The following CDH12 variants were observed in gnomAD, a reference collection of about 807,000 sequenced individuals.
CDH12 encodes the protein cadherin 12.
In CDH12, 41 loss-of-function variants were observed where a neutral mutation model predicts 74.1. The observed-to-expected ratio is 0.55, with a 90% confidence interval of 0.43 to 0.72. The LOEUF is 0.72. CDH12 is among the 30% of genes least tolerant of loss of function. The pLI is 0.00. For synonymous variants in CDH12, 399 were observed against 355.0 expected, an observed-to-expected ratio of 1.12 and a Z score of -1.39; for missense variants, 945 against 977.2, an observed-to-expected ratio of 0.97 and a Z score of 0.44.
chr5:21,940,511 A>C (rs1351542210), intron 6 of CDH12, among the ~76,000 whole-genome samples: 1 of 152,212 alleles, frequency 6.6e-6, no homozygotes, highest in Non-Finnish European at 1.5e-5. Flanking sequence ...GTTCACAGCT[A>C]TTTCAAAAAA....
intron 3 of CDH12, among the ~76,000 whole-genome samples, chr5:22,310,935 C>T (rs574395454): frequency 6.6e-6 from 1 of 152,160 alleles, no homozygotes; most frequent in African/African-American, 2.4e-5. Flanking sequence ...TTTTCCTTGG[C>T]AACTCAGGCA....
intron 3 of CDH12, among the ~76,000 whole-genome samples, chr5:22,374,341 A>C (rs947837868): frequency 1.3e-5 from 2 of 152,174 alleles, no homozygotes; most frequent in Non-Finnish European, 2.9e-5. Flanking sequence ...TAACAAACAC[A>C]CAGCTATAAT....
intron 1 of CDH12, among the ~76,000 whole-genome samples, chr5:22,671,961 A>T (rs1047462911): frequency 2.7e-5 from 4 of 146,434 alleles, no homozygotes; most frequent in African/African-American, 1.0e-4. Flanking sequence ...TAAAGGCTCC[A>T]CCTAAAATAC....
intron 1 of CDH12, among the ~76,000 whole-genome samples, chr5:22,553,306 G>A (rs1165717368): frequency 6.6e-6 from 1 of 152,096 alleles, no homozygotes; most frequent in Non-Finnish European, 1.5e-5. Flanking sequence ...TTTATTTTCA[G>A]TTTTATCATC....
chr5:22,282,130 A>G (rs1249106369), intron 3 of CDH12, among the ~76,000 whole-genome samples: 1 of 152,194 alleles, frequency 6.6e-6, no homozygotes, highest in Admixed American at 6.5e-5. Flanking sequence ...AAACTTGACA[A>G]AAACAAGCAA....
chr5:22,825,915 G>A (rs532359797), intron 1 of CDH12, among the ~76,000 whole-genome samples: 331 of 151,962 alleles, frequency 2.2e-3, no homozygotes, highest in Non-Finnish European at 4.1e-3. Context: ...TAATTAGTCA[G>A]TCTGCATATA....
At chr5:22,122,404 C>T (rs1057072442) in intron 4 of CDH12, among the ~76,000 whole-genome samples, 1 of 152,018 alleles carries the variant, frequency 6.6e-6, no homozygotes, top group Non-Finnish European at 1.5e-5. Flanking sequence ...CTCCATCTCA[C>T]AAAAACAAAA....
intron 3 of CDH12, among the ~76,000 whole-genome samples, chr5:22,287,867 T>C (rs1737225232): frequency 1.3e-5 from 2 of 152,182 alleles, no homozygotes; most frequent in Non-Finnish European, 2.9e-5. Flanking sequence ...GTTATCAAGA[T>C]GATGCTTACT....
At chr5:22,155,444 A>G (rs952583813) in intron 4 of CDH12, among the ~76,000 whole-genome samples, 133 of 152,264 alleles carry the variant, frequency 8.7e-4, no homozygotes, top group Middle Eastern at 6.8e-3. Flanking sequence ...AATGTTAGGA[A>G]ACATAGTTAG....
chr5:22,224,171 C>T (rs1752113015), intron 3 of CDH12, among the ~76,000 whole-genome samples: 1 of 152,030 alleles, frequency 6.6e-6, no homozygotes, highest in African/African-American at 2.4e-5. Context: ...TCTTCTAGAT[C>T]CTGCTCTTTG....
At chr5:22,666,013 A>G (rs1740594870) in intron 1 of CDH12, among the ~76,000 whole-genome samples, 2 of 152,090 alleles carry the variant, frequency 1.3e-5, no homozygotes, top group Admixed American at 6.6e-5. Flanking sequence ...CATATATCCA[A>G]TTGCATACTT....
rs1300237609 is a variant in CDH12, at chr5:22,633,298, CAACTATAA to C, written c.-522-127942_-522-127935del. Among the ~76,000 whole-genome samples the C allele has an allele frequency of 3.3e-5, 5 of 152,158 alleles. No individual in the cohort carries two copies. The East Asian group carries it at 9.7e-4, about 29-fold the overall frequency. ...GGCAAAGGTAATAACTCAGGTAAGGCAACTATAAAAGTTATATGAAAGTGAATATAAAA... is the reference window on the plus strand; with the variant it reads ...GGCAAAGGTAATAACTCAGGTAAGGCAAGTTATATGAAAGTGAATATAAAA... On this transcript the variant is annotated intron_variant, in intron 1 of 14. Transcript: ENST00000382254.
chr5:22,596,679 A>G (rs1402227072), intron 1 of CDH12, among the ~76,000 whole-genome samples: 1 of 152,170 alleles, frequency 6.6e-6, no homozygotes, highest in Admixed American at 6.5e-5. Context: ...ATTTTAACAC[A>G]TGATCTTAGC....
At chr5:22,121,250 A>C (rs1244784679) in intron 4 of CDH12, among the ~76,000 whole-genome samples, 4 of 152,194 alleles carry the variant, frequency 2.6e-5, no homozygotes, top group African/African-American at 9.6e-5. Context: ...ATGTTTGCCT[A>C]GTAAATGGCC....
At chr5:21,770,580 T>C (rs190450338) in intron 11 of CDH12, among the ~76,000 whole-genome samples, 2 of 149,696 alleles carry the variant, frequency 1.3e-5, no homozygotes, top group East Asian at 4.0e-4. Context: ...ATTGTGCCAT[T>C]GCACTCCAGC....
intron 3 of CDH12, among the ~76,000 whole-genome samples, chr5:22,322,662 T>G (rs1349509973): frequency 6.6e-6 from 1 of 152,190 alleles, no homozygotes; most frequent in Non-Finnish European, 1.5e-5. Flanking sequence ...CTAAATAATT[T>G]GAAATCAGAT....
At chr5:22,567,806 T>C (rs1391984833) in intron 1 of CDH12, among the ~76,000 whole-genome samples, 1 of 152,240 alleles carries the variant, frequency 6.6e-6, no homozygotes, top group Non-Finnish European at 1.5e-5. Flanking sequence ...TTTGTGTATA[T>C]TTGAACAGAT....
chr5:22,116,349 G>T (rs1335250850), intron 4 of CDH12, among the ~76,000 whole-genome samples: 2 of 152,110 alleles, frequency 1.3e-5, no homozygotes, highest in Admixed American at 6.6e-5. Flanking sequence ...AACAACCAAT[G>T]CATTTAAGAA....
chr5:22,122,824 A>G (rs1745605353), intron 4 of CDH12, among the ~76,000 whole-genome samples: 1 of 152,130 alleles, frequency 6.6e-6, no homozygotes. Flanking sequence ...ATATTGAATT[A>G]TTTCCTGCCT....
Sources: allele counts gnomAD v4.1 joint callset (sites outside exome capture counted in the v4.1 genomes callset), GRCh38; gene constraint gnomAD v4.1.1; transcripts MANE v1.5; gene names NCBI Gene and HGNC (gene_info 2026-07-23, HGNC 2026-07-21).